ATN1: variants seen among roughly 807,000 people sequenced by gnomAD.
ATN1 encodes atrophin-1.
A neutral mutation model predicts 85.8 loss-of-function variants in ATN1; 19 were observed. The ratio of observed to expected loss-of-function variants is 0.22; its 90% confidence interval spans 0.15 to 0.32. The LOEUF (loss-of-function observed/expected upper bound fraction) is 0.32, where lower values mean the gene tolerates loss of function less well. Among genes scored for constraint, ATN1 ranks in the 10% least tolerant of loss-of-function variants. The pLI is 1.00. For missense variants in ATN1, 1,453 were observed against 1,564.5 expected (o/e 0.93, Z 1.20); for synonymous variants, 674 against 657.0 (o/e 1.03, Z -0.39).
chr12:6,928,631 G>A (rs978898096), intron 1 of ATN1, among the ~76,000 whole-genome samples: 4 of 152,246 alleles, frequency 2.6e-5, no homozygotes, highest in Non-Finnish European at 4.4e-5. Flanking sequence ...AGGTGGGGAA[G>A]GAGGGAGGGT....
upstream of ATN1, among the ~76,000 whole-genome samples, chr12:6,925,141 TGA>T (rs112382496): frequency 0.021 from 3,024 of 147,504 alleles, 113 homozygotes; most frequent in African/African-American, 0.072. Context: ...TGTGTGTGTG[TGA>T]GAGAGAGAGA....
rs1173781090 is a variant in ATN1 at position 6,928,055 on chromosome 12, G to GC, written c.-492_-491insC. 6.9e-6 allele frequency among the ~76,000 whole-genome samples: 1 copy of GC among 145,006 alleles called. No homozygotes were observed. The highest frequency in any genetic ancestry group is 1.5e-5 in the Non-Finnish European group (1 of 65,338). ...TCGGAACCGCGCCGAGGGCCGGGCG[G>GC]GCCGCGGGGCCGGGCGGCGCGGCGG... On this transcript the variant is annotated 5_prime_UTR_variant, in exon 1 of 10. Transcript: ENST00000396684.
chr12:6,928,238 GGTCGGGGCCGCCGCCGCCGTC>G lies in ATN1; in HGVS notation c.-304_-284del, dbSNP rs1159862531. 2.0e-5 allele frequency: 3 copies of G among 148,490 alleles called. No individual in the cohort carries two copies. The highest frequency in any genetic ancestry group is 2.1e-4 in the South Asian group (1 of 4,732). The allele number at this position is 148,490 out of a possible 1,614,324, so 9.2% of individuals were successfully genotyped here. A position where few individuals can be genotyped will look rare whatever the true frequency, so the allele number is the denominator to read the frequency against. ...GGGGATGGGGGCCGCCCTCCGGGGG[GGTCGGGGCCGCCGCCGCCGTC>G]GTCGCGGCGGCGACTGAGGCCGAGA... On this transcript the variant is annotated 5_prime_UTR_variant, in exon 1 of 10. Coordinates refer to ENST00000396684, the MANE Select transcript of ATN1 (RefSeq NM_001940.4).
chr12:6,941,145 C>T lies in ATN1; in HGVS notation c.3358+122C>T. 1 of 1,344,340 alleles carries T rather than the reference C, an allele frequency of 7.4e-7. No individual in the cohort carries two copies. The highest frequency in any genetic ancestry group is 2.4e-5 in the East Asian group (1 of 41,356). The allele number at this position is 1,344,340 out of a possible 1,614,324, so 83.3% of individuals were successfully genotyped here. On this transcript the variant is annotated intron_variant, in intron 8 of 9. Transcript: ENST00000396684. The surrounding 1 kb of genome is among the most constrained non-coding windows in gnomAD (Gnocchi z 5.9). ...TGAGGAGGTGCCTAGAGGAGCTGGG[C>T]ATGGGAATAGGAGAGCTGGAGCTCT...
At chr12:6,939,208 T>C (rs1651921021) in intron 7 of ATN1, 31 bp downstream of exon 7, 1 of 1,561,950 alleles carries the variant, frequency 6.4e-7, no homozygotes, top group Admixed American at 1.7e-5. Context: ...CCCTGGCCCT[T>C]TGGGGCCACC....
At chr12:6,940,851 G>A in intron 7 of ATN1, 29 bp from the exon 8 acceptor site, 1 of 1,613,964 alleles carries the variant, frequency 6.2e-7, no homozygotes, top group Non-Finnish European at 8.5e-7. Flanking sequence ...CTGCCTTCTG[G>A]TGACACCTTC....
Position 6,939,042 on chromosome 12 carries a change from C to G in ATN1, c.3079C>G (p.His1027Asp). ...TGAGCGGCTGGCAGCTGAGAGGCAG[C>G]ACGCAGAAAGGGTGGCGGCCCTGGG... ...YAERLAAERQHAERVAALGND... is the reference protein window; with the variant it reads ...YAERLAAERQDAERVAALGND... Residue 1027 changes from histidine to aspartate, a missense_variant, in exon 7 of 10, where the codon CAC (histidine) becomes GAC (aspartate). His to Asp is a moderately conservative substitution (Grantham distance 81, BLOSUM62 -1). Transcript: ENST00000396684. 1 of 1,608,264 alleles carries G rather than the reference C, an allele frequency of 6.2e-7. No homozygotes were observed. Among genetic ancestry groups the G allele is most frequent in the Non-Finnish European group, 8.5e-7 (1 of 1,179,998 alleles).
At chr12:6,931,409 GAAAAAAAAA>G (rs781985905) in intron 1 of ATN1, among the ~76,000 whole-genome samples, 4 of 53,556 alleles carry the variant, frequency 7.5e-5, no homozygotes, top group African/African-American at 3.0e-4. Flanking sequence ...AGCTGTAGTT[GAAAAAAAAA>G]AAAAAAAAAA....
In ATN1 at chr12:6,934,163, C is replaced by T. The variant is rs781885228; in HGVS notation, c.28-13C>T. On this transcript the variant is annotated splice_polypyrimidine_tract_variant and intron_variant, in intron 2 of 9. Transcript: ENST00000396684. The surrounding 1 kb of genome is among the most constrained non-coding windows in gnomAD (Gnocchi z 4.5). Reference sequence around the variant, plus strand: ...AAAGAACAGTGTTACCTACCTCCTTCCTCCTCCTGTAGATGTCAATGAGGA... The same window carrying T: ...AAAGAACAGTGTTACCTACCTCCTTTCTCCTCCTGTAGATGTCAATGAGGA... 3 of 1,613,578 alleles carry T rather than the reference C, an allele frequency of 1.9e-6. No individual in the cohort carries two copies. The highest frequency in any genetic ancestry group is 1.7e-6 in the Non-Finnish European group (2 of 1,179,822).
chr12:6,931,800 G>A (rs377220668), intron 1 of ATN1, among the ~76,000 whole-genome samples: 245 of 151,802 alleles, frequency 1.6e-3, no homozygotes, highest in Non-Finnish European at 2.8e-3. Context: ...TGGGAAGGCC[G>A]AGGCAGGCAG....
Position 6,933,952 on chromosome 12 carries a change from T to C in ATN1, c.-50T>C. 1 of 1,578,592 alleles carries C rather than the reference T, an allele frequency of 6.3e-7. No homozygotes were observed. Among genetic ancestry groups the C allele is most frequent in the South Asian group, 1.2e-5 (1 of 86,382 alleles). ...ACTTGGGGTGGAGCAGAGAAGTTTCTGTATTCAGCTGCCCAGGCAGAGGAG... is the reference window on the plus strand; with the variant it reads ...ACTTGGGGTGGAGCAGAGAAGTTTCCGTATTCAGCTGCCCAGGCAGAGGAG... On this transcript the variant is annotated 5_prime_UTR_variant, in exon 2 of 10. Transcript: ENST00000396684.
chr12:6,936,983 C>T lies in ATN1; in HGVS notation c.1716C>T (p.Ser572=). The change falls in exon 5 of 10, where the codon TCC becomes TCT. Residue 572 remains serine (S), a synonymous_variant. Coordinates refer to ENST00000396684, the MANE Select transcript of ATN1 (RefSeq NM_001940.4). ...GPNGPPVSSS[S]NSSSSTSQGS... ...ATGGCCCTCCAGTCTCTTCCTCTTC[C>T]AACTCTTCCTCTTCCACTTCTCAAG... is the stretch of plus-strand genomic sequence containing the variant. 6.2e-7 allele frequency: 1 copy of T among 1,613,554 alleles called. No individual in the cohort carries two copies. The highest frequency in any genetic ancestry group is 8.5e-7 in the Non-Finnish European group (1 of 1,179,650).
chr12:6,941,335 A>G lies in ATN1; in HGVS notation c.3359-39A>G. ...CCCTGGTCCAGAGCAGGTACTTGTT[A>G]TCCGTTGGTCATATGCCCCTTGCCC... is the stretch of plus-strand genomic sequence containing the variant. On this transcript the variant is annotated intron_variant, in intron 8 of 9. Coordinates refer to ENST00000396684, the MANE Select transcript of ATN1 (RefSeq NM_001940.4). The surrounding 1 kb of genome is among the most constrained non-coding windows in gnomAD (Gnocchi z 5.9). The G allele has an allele frequency of 6.4e-7, 1 of 1,551,548 alleles. No individual in the cohort carries two copies. Among genetic ancestry groups the G allele is most frequent in the Non-Finnish European group, 8.7e-7 (1 of 1,150,210 alleles).
Position 6,942,185 on chromosome 12 carries a change from C to A in ATN1, c.*405C>A, listed in dbSNP as rs782467010. On this transcript the variant is annotated 3_prime_UTR_variant, in exon 10 of 10. Transcript: ENST00000396684. ...TGCCCCTCCCCGATCCCTGTGTGCG[C>A]GCCCCCTCTGCAATGTATGCCCCTT... 231 of 229,962 alleles carry A rather than the reference C, an allele frequency of 1.0e-3. No individual in the cohort carries two copies. Among genetic ancestry groups the A allele is most frequent in the South Asian group, 9.9e-3 (148 of 14,890 alleles). The allele number at this position is 229,962 out of a possible 1,614,324, so 14.2% of individuals were successfully genotyped here. A position where few individuals can be genotyped will look rare whatever the true frequency, so the allele number is the denominator to read the frequency against.
chr12:6,932,586 G>T (rs1945479383), intron 1 of ATN1, among the ~76,000 whole-genome samples: 4 of 152,214 alleles, frequency 2.6e-5, no homozygotes, highest in Admixed American at 2.0e-4. Flanking sequence ...GATACGGATG[G>T]ATTGGCTGTG....
At chr12:6,938,132 G>C (rs1555144175) in intron 6 of ATN1, 65 bp downstream of exon 6, 1 of 1,473,002 alleles carries the variant, frequency 6.8e-7, no homozygotes, top group African/African-American at 1.4e-5. Context: ...TCTGCGCTGC[G>C]CTGCGCTACG....
In ATN1 at chr12:6,940,946, A is replaced by T. The variant is rs1555144548; in HGVS notation, c.3281A>T (p.Tyr1094Phe). 1 of 1,613,778 alleles carries T rather than the reference A, an allele frequency of 6.2e-7. No homozygotes were observed. Among genetic ancestry groups the T allele is most frequent in the Non-Finnish European group, 8.5e-7 (1 of 1,179,970 alleles). Residue 1094 changes from tyrosine (Y) to phenylalanine (F), a missense_variant, in exon 8 of 10, where the codon TAC becomes TTC. Transcript: ENST00000396684. ...ASGSHLTRIP[Y>F]PAGTLPNPLL... ...GGGTCTCACCTTACCCGGATCCCCT[A>T]CCCAGCTGGAACTCTCCCTAACCCC...
chr12:6,932,574 C>T (rs781964552), intron 1 of ATN1, among the ~76,000 whole-genome samples: 1 of 152,320 alleles, frequency 6.6e-6, no homozygotes, highest in South Asian at 2.1e-4. Context: ...TGCTGATAGA[C>T]AGATACGGAT....
At chr12:6,929,052 G>A (rs73262849) in intron 1 of ATN1, among the ~76,000 whole-genome samples, 7 of 152,272 alleles carry the variant, frequency 4.6e-5, no homozygotes, top group Admixed American at 2.0e-4. Context: ...TTCCCCTACT[G>A]CAGGTCACCT....
Sources: gnomAD v4.1 joint callset for allele counts (sites outside exome capture counted in the v4.1 genomes callset) on GRCh38, gnomAD v4.1.1 for gene constraint, Gnocchi (gnomAD v3.1) non-coding constraint, MANE v1.5 for transcripts, NCBI Gene and HGNC (gene_info 2026-07-23, HGNC 2026-07-21) for gene names.